The following RARB variants were observed in gnomAD, a reference collection of about 807,000 sequenced individuals.
RARB encodes the protein HBV-activated protein.
In RARB, 17 loss-of-function variants were observed where a neutral mutation model predicts 51.9. The observed-to-expected ratio is 0.33, with a 90% CI of 0.22 to 0.49. RARB has a LOEUF of 0.49. RARB is among the 20% of genes least tolerant of loss of function. The probability of loss-of-function intolerance (pLI) is 0.99; values close to 1 mark genes in which losing one functional copy is unlikely to be tolerated. For synonymous variants in RARB, 215 were observed against 195.4 expected (o/e 1.10, Z -0.84); for missense variants, 369 against 550.8 (o/e 0.67, Z 3.30).
intron 5 of RARB, among the ~76,000 whole-genome samples, chr3:25,178,189 G>C (rs1425794633): frequency 6.6e-6 from 1 of 152,090 alleles, no homozygotes; most frequent in Non-Finnish European, 1.5e-5. Context: ...AAAGTTATTT[G>C]CAGAAGAGAA....
intron 4 of RARB, among the ~76,000 whole-genome samples, chr3:25,158,886 TC>T (rs1215455891): frequency 6.6e-6 from 1 of 152,108 alleles, no homozygotes; most frequent in Non-Finnish European, 1.5e-5. Context: ...CCCTCTGCAT[TC>T]AGTCAGCAAT....
intron 5 of RARB, among the ~76,000 whole-genome samples, chr3:25,178,224 A>G (rs7627643): frequency 0.022 from 3,367 of 152,230 alleles, 114 homozygotes; most frequent in African/African-American, 0.077. Flanking sequence ...CTGTGTGTAC[A>G]TGCCCTTGTC....
chr3:24,938,622 C>T lies in RARB; in HGVS notation c.-380+79870C>T, dbSNP rs563271996. On this transcript the variant is annotated intron_variant, in intron 2 of 11. Coordinates refer to the RARB transcript ENST00000383772. The stretch of plus-strand genomic sequence containing the variant: ...AAATTTTAAATGGACAATTAAGTGG[C>T]ATTAAGCACGCTCACAGTGTTGAAC... 2.0e-5 allele frequency among the ~76,000 whole-genome samples: 3 copies of T among 152,200 alleles called. No individual in the cohort carries two copies. The South Asian group carries it at 6.2e-4, about 32-fold the overall frequency.
intron 2 of RARB, among the ~76,000 whole-genome samples, chr3:24,912,764 T>C (rs1324662863): frequency 1.3e-5 from 2 of 152,106 alleles, no homozygotes; most frequent in Non-Finnish European, 2.9e-5. Context: ...TTCTTAATAA[T>C]TATCATATAG....
chr3:25,203,534 C>G (rs570471320), intron 5 of RARB, among the ~76,000 whole-genome samples: 11 of 152,286 alleles, frequency 7.2e-5, no homozygotes, highest in African/African-American at 2.4e-4. Flanking sequence ...CCTTGATGGT[C>G]TTTACAATTC....
At chr3:25,124,825 T>C (rs1376139818) in intron 3 of RARB, among the ~76,000 whole-genome samples, 1 of 152,220 alleles carries the variant, frequency 6.6e-6, no homozygotes, top group East Asian at 1.9e-4. Context: ...AGCCGTGTTG[T>C]AGACACTATA....
chr3:25,275,156 G>GT (rs1299244106), intron 5 of RARB, among the ~76,000 whole-genome samples: 2 of 152,098 alleles, frequency 1.3e-5, no homozygotes, highest in Non-Finnish European at 2.9e-5. Flanking sequence ...CAGACTCTCC[G>GT]TGAGCACCTC....
At chr3:24,991,646 T>C (rs1225507606) in intron 2 of RARB, among the ~76,000 whole-genome samples, 2 of 152,174 alleles carry the variant, frequency 1.3e-5, no homozygotes, top group Admixed American at 6.5e-5. Context: ...CACAGTTGTA[T>C]TACGGGTTTA....
intron 1 of RARB, among the ~76,000 whole-genome samples, chr3:25,460,104 T>A (rs1231796132): frequency 6.6e-6 from 1 of 152,220 alleles, no homozygotes; most frequent in Non-Finnish European, 1.5e-5. Flanking sequence ...TAAAAGTGAA[T>A]CGCACCACTC....
At chr3:25,220,569 C>G (rs931797396) in intron 5 of RARB, among the ~76,000 whole-genome samples, 2 of 152,282 alleles carry the variant, frequency 1.3e-5, no homozygotes, top group South Asian at 2.1e-4. Context: ...CCCTGCTGTT[C>G]TTGTCTTAGT....
chr3:25,343,543 C>T (rs1202199917), intron 5 of RARB, among the ~76,000 whole-genome samples: 1 of 149,536 alleles, frequency 6.7e-6, no homozygotes, highest in Non-Finnish European at 1.5e-5. Context: ...AACTTTTTTC[C>T]AGAAAAAAAA....
chr3:25,069,948 C>A (rs1362046353), intron 3 of RARB, among the ~76,000 whole-genome samples: 1 of 152,218 alleles, frequency 6.6e-6, no homozygotes, highest in Non-Finnish European at 1.5e-5. Flanking sequence ...GTGCCACAAG[C>A]TGGGTGGCTT....
At chr3:25,538,189 A>G (rs1699222129) in intron 3 of RARB, among the ~76,000 whole-genome samples, 1 of 152,180 alleles carries the variant, frequency 6.6e-6, no homozygotes, top group African/African-American at 2.4e-5. Flanking sequence ...AAAATGCCCA[A>G]TGCTACTACG....
intron 5 of RARB, among the ~76,000 whole-genome samples, chr3:25,401,526 T>A (rs2125494640): frequency 6.6e-6 from 1 of 152,304 alleles, no homozygotes; most frequent in East Asian, 1.9e-4. Flanking sequence ...GCTGAATATA[T>A]TTAAGAAATA....
At position 25,250,404 on chromosome 3, in the gene RARB, T is replaced by A. The variant is rs189208767; in HGVS notation, c.178+75829T>A. On this transcript the variant is annotated intron_variant, in intron 5 of 11. Coordinates refer to the RARB transcript ENST00000383772. ...GGGGGCAGCAGTGGTTGTGCTGCAG[T>A]CCTACTACTGAGGAGGGCAAAGTTG... 4.7e-4 allele frequency among the ~76,000 whole-genome samples: 71 copies of A among 152,246 alleles called. 1 individual carries two copies. The East Asian group carries it at 0.013, about 28-fold the overall frequency.
chr3:24,833,849 A>G (rs1702310808), intron 1 of RARB, among the ~76,000 whole-genome samples: 2 of 152,194 alleles, frequency 1.3e-5, no homozygotes, highest in Non-Finnish European at 2.9e-5. Flanking sequence ...TGCTCTAGCC[A>G]TACCAGTTGA....
chr3:25,213,105 T>A (rs1306607219), intron 5 of RARB, among the ~76,000 whole-genome samples: 1 of 152,156 alleles, frequency 6.6e-6, no homozygotes, highest in Non-Finnish European at 1.5e-5. Context: ...ATGCCATCCA[T>A]ATAAGATACT....
At chr3:25,331,783 C>A (rs551046198) in intron 5 of RARB, among the ~76,000 whole-genome samples, 1 of 151,874 alleles carries the variant, frequency 6.6e-6, no homozygotes, top group South Asian at 2.1e-4. Context: ...ACTAGCAGGA[C>A]TAATAAAGAA....
chr3:25,173,691 C>T (rs1295556304), intron 4 of RARB, among the ~76,000 whole-genome samples: 1 of 152,168 alleles, frequency 6.6e-6, no homozygotes, highest in Non-Finnish European at 1.5e-5. Flanking sequence ...CTAATACATA[C>T]TCAGGGTCTA....
Sources: allele counts gnomAD v4.1 joint callset (sites outside exome capture counted in the v4.1 genomes callset), GRCh38; gene constraint gnomAD v4.1.1; transcripts MANE v1.5; gene names NCBI Gene and HGNC (gene_info 2026-07-23, HGNC 2026-07-21).